The following PRKCG variants were observed in gnomAD, a reference collection of about 807,000 sequenced individuals.
The protein encoded by PRKCG is protein kinase C gamma.
Under a neutral mutation model 82.0 loss-of-function variants are expected in PRKCG, and 28 were observed. The ratio of observed to expected loss-of-function variants is 0.34; its 90% CI spans 0.25 to 0.47. The LOEUF (loss-of-function observed/expected upper bound fraction) is 0.47. Among genes scored for constraint, PRKCG ranks in the 20% least tolerant of loss-of-function variants. PRKCG has a pLI of 1.00. For synonymous variants in PRKCG, 383 were observed against 376.6 expected, an observed-to-expected ratio of 1.02 and a Z score of -0.20; for missense variants, 640 against 952.7, an observed-to-expected ratio of 0.67 and a Z score of 4.32.
intron 5 of PRKCG, among the ~76,000 whole-genome samples, 187 bp from the exon 6 acceptor site, chr19:53,891,487 A>G (rs548069495): frequency 4.0e-4 from 59 of 146,682 alleles, no homozygotes; most frequent in African/African-American, 1.5e-3. Context: ...GGGTTTCACC[A>G]TTCACAGGAT....
chr19:53,903,542 G>A (rs532846879), intron 15 of PRKCG, among the ~76,000 whole-genome samples: 4 of 152,282 alleles, frequency 2.6e-5, no homozygotes, highest in East Asian at 1.9e-4. Context: ...TTCCTGGACT[G>A]CTGAGTGTAC....
At position 53,883,310 on chromosome 19, in the gene PRKCG, C is replaced by G; in HGVS notation, c.202+116C>G. The stretch of plus-strand genomic sequence containing the variant: ...GTCCCCAGAGAGGCGCGGGGGAGCC[C>G]GGGGCGGGGGGTGTGGCAGAGACAC... On this transcript the variant is annotated intron_variant, in intron 2 of 17. Coordinates refer to ENST00000263431, the MANE Select transcript of PRKCG (RefSeq NM_002739.5). The surrounding 1 kb of genome is among the most constrained non-coding windows in gnomAD (Gnocchi z 5.4). 29 of 1,282,430 alleles carry G rather than the reference C, an allele frequency of 2.3e-5. 2 individuals are homozygous for G. In the South Asian group the frequency reaches 3.4e-4, roughly 15 times the overall value. 79.4% of individuals were successfully genotyped at this position (1,282,430 alleles called of 1,614,324 possible).
At position 53,887,808 on chromosome 19, in the gene PRKCG, C is replaced by T. The variant is rs572762910; in HGVS notation, c.286-1830C>T. 1.4e-3 allele frequency among the ~76,000 whole-genome samples: 193 copies of T among 136,144 alleles called. 1 individual carries two copies. The highest frequency in any genetic ancestry group is 5.2e-3 in the African/African-American group (183 of 35,192). 89.3% of individuals were successfully genotyped at this position (136,144 alleles called of 152,430 possible). On this transcript the variant is annotated intron_variant, in intron 3 of 17. Coordinates refer to ENST00000263431, the MANE Select transcript of PRKCG (RefSeq NM_002739.5). ...TCACACCACTGCACTCTAGCCTGGG[C>T]GACAGAGTGAGACTCCATCTCAAAA...
intron 9 of PRKCG, among the ~76,000 whole-genome samples, chr19:53,897,084 G>A (rs1336464547): frequency 2.0e-5 from 3 of 152,168 alleles, no homozygotes; most frequent in Non-Finnish European, 2.9e-5. Context: ...TCAGGCCAGG[G>A]TGGCTGGACC....
At position 53,883,315 on chromosome 19, in the gene PRKCG, C is replaced by T. The variant is rs1000394991; in HGVS notation, c.202+121C>T. The T allele has an allele frequency of 1.5e-5, 18 of 1,226,770 alleles. No individual in the cohort carries two copies. The highest frequency in any genetic ancestry group is 3.6e-5 in the Admixed American group (2 of 54,882). The allele number at this position is 1,226,770 out of a possible 1,614,324, so 76.0% of individuals were successfully genotyped here. On this transcript the variant is annotated intron_variant, in intron 2 of 17. Transcript: ENST00000263431. The surrounding 1 kb of genome is among the most constrained non-coding windows in gnomAD (Gnocchi z 5.4). ...CAGAGAGGCGCGGGGGAGCCCGGGG[C>T]GGGGGGTGTGGCAGAGACACAGCCT...
chr19:53,893,054 C>T lies in PRKCG; in HGVS notation c.888C>T (p.Cys296=), dbSNP rs1351203231. The change falls in exon 8 of 18, where the codon TGC becomes TGT. Residue 296 remains cysteine, a synonymous_variant. Coordinates refer to ENST00000263431, the MANE Select transcript of PRKCG (RefSeq NM_002739.5). ...YNVPVADADN[C]SLLQKFEACN... Reference sequence around the variant, plus strand: ...TGCCGGTGGCCGATGCTGACAACTGCAGCCTCCTCCAGAAGTTTGAGGTAC... The same window carrying T: ...TGCCGGTGGCCGATGCTGACAACTGTAGCCTCCTCCAGAAGTTTGAGGTAC... The T allele has an allele frequency of 6.2e-7, 1 of 1,613,978 alleles. No homozygotes were observed.
At chr19:53,901,863 A>G (rs112707833) in intron 14 of PRKCG, among the ~76,000 whole-genome samples, 2,010 of 150,572 alleles carry the variant, frequency 0.013, 55 homozygotes, top group African/African-American at 0.047. Flanking sequence ...AAAAAAAAAA[A>G]AAAGAAAAAG....
At chr19:53,905,249 C>G (rs890040877) in intron 16 of PRKCG, among the ~76,000 whole-genome samples, 13 of 152,148 alleles carry the variant, frequency 8.5e-5, no homozygotes, top group African/African-American at 3.1e-4. Context: ...TGCCTCCCCT[C>G]CATCTGCATA....
intron 14 of PRKCG, among the ~76,000 whole-genome samples, chr19:53,901,362 G>C (rs549567660): frequency 6.6e-6 from 1 of 151,982 alleles, no homozygotes; most frequent in Admixed American, 6.6e-5. Flanking sequence ...TGGCCAACAT[G>C]GTGAAACCTC....
intron 15 of PRKCG, 25 bp from the exon 16 acceptor site, chr19:53,904,610 C>T (rs1391458279): frequency 1.9e-6 from 3 of 1,600,304 alleles, no homozygotes; most frequent in Non-Finnish European, 2.6e-6. Context: ...ATGTCCCTGA[C>T]TCTCTATCCC....
chr19:53,902,458 C>T (rs1341193850), intron 14 of PRKCG, among the ~76,000 whole-genome samples: 1 of 151,978 alleles, frequency 6.6e-6, no homozygotes, highest in Non-Finnish European at 1.5e-5. Context: ...CACACATATT[C>T]CTGACTCTGA....
intron 3 of PRKCG, among the ~76,000 whole-genome samples, chr19:53,886,687 C>T (rs542510138): frequency 6.6e-6 from 1 of 152,340 alleles, no homozygotes; most frequent in Non-Finnish European, 1.5e-5. Flanking sequence ...GATGGGATTA[C>T]AGGCGTGAGC....
At chr19:53,890,851 A>T (rs1471208362) in intron 5 of PRKCG, among the ~76,000 whole-genome samples, 2 of 151,146 alleles carry the variant, frequency 1.3e-5, no homozygotes, top group African/African-American at 4.9e-5. Context: ...TCTCAGGTTC[A>T]AGCGATTCTC....
rs1236143173 is a variant in PRKCG at position 53,882,483 on chromosome 19, G to T, written c.-12G>T. 1 of 1,611,750 alleles carries T rather than the reference G, an allele frequency of 6.2e-7. No individual in the cohort carries two copies. Among genetic ancestry groups the T allele is most frequent in the Non-Finnish European group, 8.5e-7 (1 of 1,178,874 alleles). ...AAGGCAGGATCCTGGTCCCTGCTAC[G>T]TTTCTGGGGCCATGGCTGGTCTGGG... On this transcript the variant is annotated 5_prime_UTR_variant, in exon 1 of 18. Coordinates refer to ENST00000263431, the MANE Select transcript of PRKCG (RefSeq NM_002739.5). This position sits in a 1 kb window ranked among gnomAD's most constrained non-coding sequence, Gnocchi z 6.1.
intron 10 of PRKCG, 62 bp downstream of exon 10, chr19:53,898,173 T>A: frequency 6.3e-7 from 1 of 1,590,232 alleles, no homozygotes; most frequent in Non-Finnish European, 8.6e-7. Flanking sequence ...GATTTCTGGT[T>A]CTTAGGGAGG....
In PRKCG at chr19:53,884,721, G is replaced by A. The variant is rs1222254286; in HGVS notation, c.285+478G>A. Among the ~76,000 whole-genome samples, 3 of 152,028 alleles carry A rather than the reference G, an allele frequency of 2.0e-5. No individual in the cohort carries two copies. The highest frequency in any genetic ancestry group is 4.4e-5 in the Non-Finnish European group (3 of 68,004). On this transcript the variant is annotated intron_variant, in intron 3 of 17. Coordinates refer to ENST00000263431, the MANE Select transcript of PRKCG (RefSeq NM_002739.5). The surrounding 1 kb of genome is among the most constrained non-coding windows in gnomAD (Gnocchi z 4.6). Reference sequence around the variant, plus strand: ...GAACCAGGGAGAAAGAGAGGAATTTGGAGGCACCAAAAGATGGACAGAGAA... The same window carrying A: ...GAACCAGGGAGAAAGAGAGGAATTTAGAGGCACCAAAAGATGGACAGAGAA...
intron 16 of PRKCG, among the ~76,000 whole-genome samples, chr19:53,906,089 T>C (rs1332386279): frequency 2.5e-5 from 2 of 80,116 alleles, no homozygotes; most frequent in African/African-American, 2.2e-4. Flanking sequence ...CTCCTCCTTC[T>C]TCTTCTTCTT....
intron 3 of PRKCG, among the ~76,000 whole-genome samples, chr19:53,888,539 C>A (rs538017613): frequency 7.4e-4 from 112 of 152,298 alleles, no homozygotes; most frequent in Admixed American, 1.4e-3. Context: ...TGCCCCAAAT[C>A]ACACAGCTGA....
At chr19:53,897,725 T>TAA (rs1013480316) in intron 9 of PRKCG, among the ~76,000 whole-genome samples, 1 of 136,714 alleles carries the variant, frequency 7.3e-6, no homozygotes, top group South Asian at 2.3e-4. Flanking sequence ...ATAAGCTATC[T>TAA]AAAAAAAAAA....
Sources: allele counts gnomAD v4.1 joint callset (sites outside exome capture counted in the v4.1 genomes callset), GRCh38; gene constraint gnomAD v4.1.1; non-coding constraint Gnocchi (gnomAD v3.1); transcripts MANE v1.5; gene names NCBI Gene and HGNC (gene_info 2026-07-23, HGNC 2026-07-21).